Variants in CEP72 observed in about 807,000 individuals in gnomAD.
CEP72 encodes centrosomal protein of 72 kDa.
In CEP72, 78 loss-of-function variants were observed where a neutral mutation model predicts 65.7. The ratio of observed to expected loss-of-function variants is 1.19; its 90% CI spans 0.99 to 1.43. The LOEUF (loss-of-function observed/expected upper bound fraction) is 1.43, where lower values mean the gene tolerates loss of function less well. CEP72 is among the 40% of genes most tolerant of loss of function. The probability of loss-of-function intolerance (pLI) is 0.00; values close to 1 mark genes in which losing one functional copy is unlikely to be tolerated. For synonymous variants in CEP72, 358 were observed against 351.7 expected (o/e 1.02, Z -0.20); for missense variants, 914 against 832.9 (o/e 1.10, Z -1.20).
intron 1 of CEP72, among the ~76,000 whole-genome samples, chr5:618,053 G>A (rs544268526): frequency 1.1e-4 from 16 of 152,320 alleles, no homozygotes; most frequent in Non-Finnish European, 8.8e-5. Context: ...CAGGAGGACA[G>A]CAGACAGGTT....
chr5:618,668 CAT>C (rs1736152661), intron 1 of CEP72, among the ~76,000 whole-genome samples: 1 of 152,056 alleles, frequency 6.6e-6, no homozygotes, highest in Non-Finnish European at 1.5e-5. Flanking sequence ...TGAGAGGACA[CAT>C]GAGGAGTAAG....
intron 4 of CEP72, among the ~76,000 whole-genome samples, chr5:627,307 G>A (rs990334827): frequency 6.6e-6 from 1 of 152,188 alleles, no homozygotes; most frequent in African/African-American, 2.4e-5. Context: ...TAATGTCTCT[G>A]GGATCTGTGG....
chr5:663,666 G>A (rs1166764560), intron 2 of CEP72: 4 of 152,494 alleles, frequency 2.6e-5, no homozygotes, highest in African/African-American at 9.6e-5. Flanking sequence ...AGTGAGGGAG[G>A]GGCCTCGCCA....
chr5:647,251 C>T (rs931474439), intron 10 of CEP72, among the ~76,000 whole-genome samples: 6 of 152,292 alleles, frequency 3.9e-5, no homozygotes, highest in Admixed American at 6.5e-5. Flanking sequence ...ATTTGTATCC[C>T]GTGTTTGGAT....
intron 7 of CEP72, among the ~76,000 whole-genome samples, chr5:638,174 G>A (rs1323650964): frequency 6.6e-6 from 1 of 152,230 alleles, no homozygotes; most frequent in Non-Finnish European, 1.5e-5. Context: ...GCCCCGTGGT[G>A]GAGAGAGGGG....
At chr5:651,880 C>G (rs1357057895) in intron 11 of CEP72, among the ~76,000 whole-genome samples, 1 of 151,916 alleles carries the variant, frequency 6.6e-6, no homozygotes, top group Non-Finnish European at 1.5e-5. Flanking sequence ...CCCTCCCCCA[C>G]TCCTCAGGCT....
In CEP72 at chr5:624,387, C is replaced by G; in HGVS notation, c.404-84C>G. On this transcript the variant is annotated intron_variant, in intron 3 of 11. Coordinates refer to ENST00000264935, the MANE Select transcript of CEP72 (RefSeq NM_018140.4). This position sits in a 1 kb window ranked among gnomAD's most constrained non-coding sequence, Gnocchi z 4.7. Reference sequence around the variant, plus strand: ...AGGGCTGGCCCCGAGGGGATGGACACCCTGCCCCGTGTAGATGCCCCAGGG... The same window carrying G: ...AGGGCTGGCCCCGAGGGGATGGACAGCCTGCCCCGTGTAGATGCCCCAGGG... The G allele has an allele frequency of 1.1e-6, 1 of 930,204 alleles. No individual in the cohort carries two copies. The highest frequency in any genetic ancestry group is 1.4e-5 in the South Asian group (1 of 73,142). 57.6% of individuals were successfully genotyped at this position (930,204 alleles called of 1,614,324 possible).
chr5:617,482 A>G (rs1258191445), intron 1 of CEP72, among the ~76,000 whole-genome samples: 2 of 152,218 alleles, frequency 1.3e-5, no homozygotes, highest in African/African-American at 2.4e-5. Context: ...AGCCTGGCCA[A>G]CATGGTCAGG....
downstream of CEP72, among the ~76,000 whole-genome samples, chr5:658,762 G>A (rs1030029285): frequency 3.5e-5 from 5 of 142,138 alleles, no homozygotes; most frequent in Middle Eastern, 3.8e-3. Flanking sequence ...TCCGCCTCCC[G>A]GGTTCACGCC....
rs760349459 is a variant in CEP72 at position 624,236 on chromosome 5, T to C, written c.404-235T>C. On this transcript the variant is annotated intron_variant, in intron 3 of 11. Coordinates refer to ENST00000264935, the MANE Select transcript of CEP72 (RefSeq NM_018140.4). The surrounding 1 kb of genome is among the most constrained non-coding windows in gnomAD (Gnocchi z 4.7). ...CGTGTGTGTGTGTGAGCCTCATCTG[T>C]GTGCGGCTGCTCCCGTGCGCAGCAG... Among the ~76,000 whole-genome samples the C allele has an allele frequency of 1.4e-4, 22 of 152,182 alleles. No homozygotes were observed. The highest frequency in any genetic ancestry group is 5.1e-4 in the African/African-American group (21 of 41,452).
intron 8 of CEP72, among the ~76,000 whole-genome samples, chr5:639,500 C>T (rs996470563): frequency 3.9e-5 from 6 of 152,236 alleles, no homozygotes; most frequent in Admixed American, 6.5e-5. Flanking sequence ...GCTCAAAATG[C>T]TGTCCAAAGG....
intron 8 of CEP72, among the ~76,000 whole-genome samples, chr5:639,466 T>A (rs1006507370): frequency 1.3e-5 from 2 of 152,134 alleles, no homozygotes; most frequent in African/African-American, 4.8e-5. Flanking sequence ...CTCTGGGGTG[T>A]TGGGGGGCCT....
chr5:669,926 G>T (rs888313053), downstream of CEP72, among the ~76,000 whole-genome samples: 5 of 152,166 alleles, frequency 3.3e-5, no homozygotes, highest in African/African-American at 1.2e-4. Flanking sequence ...CAGAGACCAG[G>T]GTGCTGGAGG....
At chr5:625,157 A>G (rs1249897857) in intron 4 of CEP72, among the ~76,000 whole-genome samples, 2 of 151,868 alleles carry the variant, frequency 1.3e-5, no homozygotes, top group African/African-American at 2.4e-5. Context: ...CTGCATGTCT[A>G]TGTTCGGTTG....
intron 9 of CEP72, chr5:643,588 C>T (rs1198226599): frequency 1.0e-6 from 1 of 985,270 alleles, no homozygotes; most frequent in African/African-American, 1.7e-5. Flanking sequence ...GCGCTCCCTC[C>T]CCTGGTGGCA....
At chr5:654,862 C>G (rs529327468), downstream of CEP72, among the ~76,000 whole-genome samples, 1 of 115,322 alleles carries the variant, frequency 8.7e-6, no homozygotes, top group Non-Finnish European at 2.2e-5. Context: ...ATCTGGGACT[C>G]TAGTTAGCTT....
intron 1 of CEP72, 101 bp downstream of exon 1, chr5:612,544 T>G: frequency 1.6e-6 from 2 of 1,258,482 alleles, no homozygotes; most frequent in Non-Finnish European, 2.0e-6. Flanking sequence ...GGGACCCGTC[T>G]ACGCAGGCGC....
downstream of CEP72, among the ~76,000 whole-genome samples, chr5:655,205 G>A (rs1739341606): frequency 6.6e-6 from 1 of 152,008 alleles, no homozygotes; most frequent in Non-Finnish European, 1.5e-5. This position sits in a 1 kb window ranked among gnomAD's most constrained non-coding sequence, Gnocchi z 5.0. Flanking sequence ...TGCTAAAAAT[G>A]AAAATTAGCT....
chr5:647,093 A>G (rs1303483319), intron 10 of CEP72, among the ~76,000 whole-genome samples: 1 of 152,128 alleles, frequency 6.6e-6, no homozygotes, highest in East Asian at 1.9e-4. Context: ...CACACTGTGG[A>G]TGCTCCTGCG....
Sources: gnomAD v4.1 joint callset for allele counts (sites outside exome capture counted in the v4.1 genomes callset) on GRCh38, gnomAD v4.1.1 for gene constraint, Gnocchi (gnomAD v3.1) non-coding constraint, MANE v1.5 for transcripts, NCBI Gene and HGNC (gene_info 2026-07-23, HGNC 2026-07-21) for gene names.